Variants in FHIT observed in about 807,000 individuals in gnomAD.
FHIT encodes the protein fragile histidine triad diadenosine triphosphatase.
Under a neutral mutation model 17.9 loss-of-function variants are expected in FHIT, and 19 were observed. That is an observed-to-expected ratio of 1.06 (90% confidence interval 0.74 to 1.56). The LOEUF (loss-of-function observed/expected upper bound fraction) is 1.56, where lower values mean the gene tolerates loss of function less well. Ranked by LOEUF, FHIT falls within the 40% of genes most tolerant of loss-of-function variation. FHIT has a pLI of 0.00. For missense variants in FHIT, 248 were observed against 189.2 expected (o/e 1.31, Z -1.82); for synonymous variants, 81 against 69.7 (o/e 1.16, Z -0.81).
At chr3:60,231,704 T>G (rs1163853431) in intron 5 of FHIT, among the ~76,000 whole-genome samples, 1 of 152,180 alleles carries the variant, frequency 6.6e-6, no homozygotes, top group Non-Finnish European at 1.5e-5. Context: ...CCAAACAAGC[T>G]TATCAGTAAA....
At chr3:60,431,653 A>G (rs1456191966) in intron 5 of FHIT, among the ~76,000 whole-genome samples, 1 of 152,154 alleles carries the variant, frequency 6.6e-6, no homozygotes, top group Non-Finnish European at 1.5e-5. Flanking sequence ...GCAGTAAATG[A>G]CAAAGCCATC....
chr3:61,239,469 T>C (rs1180233333), intron 1 of FHIT, among the ~76,000 whole-genome samples: 1 of 152,136 alleles, frequency 6.6e-6, no homozygotes, highest in Non-Finnish European at 1.5e-5. Context: ...CTCCCTCTCA[T>C]CCTTTACTTA....
chr3:60,287,564 A>T (rs1229838636), intron 5 of FHIT, among the ~76,000 whole-genome samples: 3 of 152,316 alleles, frequency 2.0e-5, no homozygotes, highest in Non-Finnish European at 4.4e-5. Context: ...ACTGTTTGAG[A>T]CACATATTAA....
At chr3:61,103,025 T>A (rs920270284) in intron 2 of FHIT, among the ~76,000 whole-genome samples, 12 of 152,240 alleles carry the variant, frequency 7.9e-5, no homozygotes, top group African/African-American at 2.7e-4. Flanking sequence ...CATTGATTTT[T>A]TGAAGGGCTT....
rs555809334 is a variant in FHIT, at chr3:61,157,531, G to C, written c.-164+43086C>G. 2.0e-5 allele frequency among the ~76,000 whole-genome samples: 3 copies of C among 152,256 alleles called. 1 individual carries two copies. In the South Asian group the frequency reaches 6.2e-4, roughly 32 times the overall value. On this transcript the variant is annotated intron_variant, in intron 2 of 9. Transcript: ENST00000492590. ...GAACCTTGGGAGCATCTTAGTAAAGGGGAATTATCAGTGGCTTCCTCTAGG... is the reference window on the plus strand; with the variant it reads ...GAACCTTGGGAGCATCTTAGTAAAGCGGAATTATCAGTGGCTTCCTCTAGG...
intron 3 of FHIT, among the ~76,000 whole-genome samples, chr3:61,022,691 T>A (rs1396649490): frequency 1.3e-5 from 2 of 152,176 alleles, no homozygotes; most frequent in African/African-American, 4.8e-5. Context: ...TGGTTCAATA[T>A]ACACAAATCA....
intron 3 of FHIT, among the ~76,000 whole-genome samples, chr3:60,842,652 T>A (rs1331864549): frequency 0.18 from 21,082 of 115,288 alleles, 1,919 homozygotes; most frequent in Middle Eastern, 0.22. Context: ...TATATTTTTT[T>A]TTTTTTTTTT....
chr3:60,842,160 C>T (rs79260968), intron 3 of FHIT, among the ~76,000 whole-genome samples: 386 of 152,192 alleles, frequency 2.5e-3, no homozygotes, highest in African/African-American at 8.7e-3. Flanking sequence ...CCTGCCCTCA[C>T]GGATAACCCT....
chr3:59,947,705 G>A (rs76411000), intron 7 of FHIT, among the ~76,000 whole-genome samples: 8,359 of 152,188 alleles, frequency 0.055, 330 homozygotes, highest in Admixed American at 0.1. Flanking sequence ...TTAAGAACCT[G>A]CTGTGCTGGA....
chr3:60,855,220 C>T (rs1703332444), intron 3 of FHIT, among the ~76,000 whole-genome samples: 1 of 152,108 alleles, frequency 6.6e-6, no homozygotes, highest in Non-Finnish European at 1.5e-5. Flanking sequence ...AATGACTGGT[C>T]TAACCCAATC....
chr3:61,115,633 G>T (rs1342199218), intron 2 of FHIT, among the ~76,000 whole-genome samples: 1 of 152,154 alleles, frequency 6.6e-6, no homozygotes, highest in Non-Finnish European at 1.5e-5. Context: ...TCTGAGATTT[G>T]TGGAGTGTGG....
intron 8 of FHIT, among the ~76,000 whole-genome samples, chr3:59,777,258 C>T (rs946591545): frequency 2.6e-5 from 4 of 152,146 alleles, no homozygotes; most frequent in Admixed American, 2.6e-4. Flanking sequence ...TCTCCTATGA[C>T]TCCCACATTT....
At chr3:61,124,014 T>C (rs890127685) in intron 2 of FHIT, among the ~76,000 whole-genome samples, 1 of 152,048 alleles carries the variant, frequency 6.6e-6, no homozygotes, top group Non-Finnish European at 1.5e-5. Context: ...CATGGAGAAA[T>C]ATATGAACTG....
At chr3:59,868,390 T>C (rs1329579125) in intron 8 of FHIT, among the ~76,000 whole-genome samples, 3 of 152,194 alleles carry the variant, frequency 2.0e-5, no homozygotes, top group Non-Finnish European at 4.4e-5. Flanking sequence ...AAAATGATAA[T>C]GGGGAATGTG....
At chr3:60,323,654 C>CA (rs376155231) in intron 5 of FHIT, among the ~76,000 whole-genome samples, 80 of 152,336 alleles carry the variant, frequency 5.3e-4, no homozygotes, top group African/African-American at 1.9e-3. Flanking sequence ...CCTGTACTAT[C>CA]ATTCCGGTCT....
chr3:60,038,366 G>T (rs1701307671), intron 5 of FHIT, among the ~76,000 whole-genome samples: 1 of 152,038 alleles, frequency 6.6e-6, no homozygotes, highest in Non-Finnish European at 1.5e-5. Flanking sequence ...TATTATATTA[G>T]GAATAATGTT....
chr3:60,158,586 A>G (rs1013540328), intron 5 of FHIT, among the ~76,000 whole-genome samples: 1 of 152,194 alleles, frequency 6.6e-6, no homozygotes, highest in Non-Finnish European at 1.5e-5. Flanking sequence ...TGCTGGGATT[A>G]CAGGCGTAAG....
chr3:60,374,439 TA>T (rs1181843748), intron 5 of FHIT, among the ~76,000 whole-genome samples: 1 of 151,794 alleles, frequency 6.6e-6, no homozygotes, highest in African/African-American at 2.4e-5. Context: ...TAAACAGGAC[TA>T]AAAGCTTTAC....
At chr3:60,639,507 C>T (rs572002491) in intron 4 of FHIT, among the ~76,000 whole-genome samples, 2 of 152,164 alleles carry the variant, frequency 1.3e-5, no homozygotes, top group East Asian at 1.9e-4. Context: ...ATCGTAAATG[C>T]CCCAAAATTT....
Sources: gnomAD v4.1 joint callset for allele counts (sites outside exome capture counted in the v4.1 genomes callset) on GRCh38, gnomAD v4.1.1 for gene constraint, MANE v1.5 for transcripts, NCBI Gene and HGNC (gene_info 2026-07-23, HGNC 2026-07-21) for gene names.